Variants in CPS1 observed in about 807,000 individuals in gnomAD.
CPS1 encodes the protein carbamoyl-phosphate synthase [ammonia], mitochondrial.
A neutral mutation model predicts 174.6 loss-of-function variants in CPS1; 109 were observed. The ratio of observed to expected loss-of-function variants is 0.62; its 90% CI spans 0.53 to 0.73. The LOEUF is 0.73. Among genes scored for constraint, CPS1 ranks in the 30% least tolerant of loss-of-function variants. The pLI, the probability that CPS1 is intolerant of heterozygous loss-of-function variation, is 0.00. For missense variants in CPS1, 1,689 were observed against 1,821.9 expected (o/e 0.93, Z 1.33); for synonymous variants, 637 against 632.0 (o/e 1.01, Z -0.12).
At chr2:210,570,153 T>C (rs1305679139) in intron 1 of CPS1, among the ~76,000 whole-genome samples, 2 of 151,948 alleles carry the variant, frequency 1.3e-5, no homozygotes, top group African/African-American at 4.8e-5. Flanking sequence ...AGGAGATATA[T>C]AGAGAGTACT....
chr2:210,564,107 A>G (rs1202969446), intron 1 of CPS1, among the ~76,000 whole-genome samples: 1 of 152,156 alleles, frequency 6.6e-6, no homozygotes, highest in African/African-American at 2.4e-5. Flanking sequence ...AAACCCCTAA[A>G]AGAGATGAGA....
At chr2:210,584,113 G>A (rs1237175342) in intron 6 of CPS1, among the ~76,000 whole-genome samples, 1 of 152,054 alleles carries the variant, frequency 6.6e-6, no homozygotes, top group Non-Finnish European at 1.5e-5. Flanking sequence ...GATCCGCTTT[G>A]AAACTTAAAG....
At chr2:210,619,673 C>T (rs1259813265) in intron 21 of CPS1, 1 of 152,006 alleles carries the variant, frequency 6.6e-6, no homozygotes, top group Non-Finnish European at 1.5e-5. Flanking sequence ...GATGCAAATG[C>T]TATTCTTATT....
intron 34 of CPS1, among the ~76,000 whole-genome samples, chr2:210,669,679 G>A (rs114532282): frequency 0.025 from 3,860 of 152,216 alleles, 86 homozygotes; most frequent in Admixed American, 0.045. Context: ...ACTTGCAATT[G>A]TGAAGCTTAA....
intron 26 of CPS1, 145 bp downstream of exon 26, chr2:210,648,202 C>A: frequency 1.2e-6 from 1 of 810,878 alleles, no homozygotes; most frequent in Non-Finnish European, 2.0e-6. Context: ...TGTTGTATAT[C>A]CATGATTGCA....
chr2:210,576,452 C>G lies in CPS1; in HGVS notation c.343C>G (p.Leu115Val). 1 of 1,613,662 alleles carries G rather than the reference C, an allele frequency of 6.2e-7. No homozygotes were observed. Among genetic ancestry groups the G allele is most frequent in the Non-Finnish European group, 8.5e-7 (1 of 1,179,678 alleles). Reference protein sequence around the residue: ...GAPDTTALDELGLSKYLESNG... With the variant: ...GAPDTTALDEVGLSKYLESNG... Reference sequence around the variant, plus strand: ...TCCTGATACTACTGCTCTGGATGAACTGGGACTTAGCAAATATTTGGAGTC... The same window carrying G: ...TCCTGATACTACTGCTCTGGATGAAGTGGGACTTAGCAAATATTTGGAGTC... The change falls in exon 3 of 38, where the codon CTG becomes GTG. Residue 115 changes from leucine (L) to valine (V), a missense_variant. Leu to Val is a conservative substitution (Grantham distance 32). Transcript: ENST00000233072.
At chr2:210,493,975 C>T (rs573760062) in intron 1 of CPS1, among the ~76,000 whole-genome samples, 19 of 152,270 alleles carry the variant, frequency 1.2e-4, no homozygotes, top group Non-Finnish European at 2.2e-4. Flanking sequence ...TGTCATGTTG[C>T]TGAATGCTGA....
chr2:210,677,807 A>G (rs1701581373), intron 37 of CPS1, 80 bp from the exon 38 acceptor site: 2 of 1,122,236 alleles, frequency 1.8e-6, no homozygotes, highest in Non-Finnish European at 1.4e-6. Context: ...GGGGACAGAC[A>G]CTTGTGACTT....
chr2:210,609,671 C>T (rs536806206), intron 19 of CPS1, among the ~76,000 whole-genome samples: 4 of 151,810 alleles, frequency 2.6e-5, no homozygotes, highest in African/African-American at 9.6e-5. Flanking sequence ...CTGTTGTGGC[C>T]AGTGTGGGAG....
At position 210,677,118 on chromosome 2, in the gene CPS1, T is replaced by C; in HGVS notation, c.4386T>C (p.Pro1462=). Residue 1462 remains proline (P), a synonymous_variant, in exon 37 of 38, where the codon CCT becomes CCC. Coordinates refer to ENST00000233072, the MANE Select transcript of CPS1 (RefSeq NM_001875.5). ...GGACAGCTGTTGATAGTGGAATCCC[T>C]CTCCTCACTAATTTTCAGGTATAGT... is the stretch of plus-strand genomic sequence containing the variant. ...IRRTAVDSGI[P]LLTNFQVTKL... The C allele has an allele frequency of 1.2e-6, 2 of 1,613,862 alleles. No individual in the cohort carries two copies. Among genetic ancestry groups the C allele is most frequent in the Non-Finnish European group, 1.7e-6 (2 of 1,179,764 alleles).
intron 16 of CPS1, among the ~76,000 whole-genome samples, chr2:210,604,009 C>A (rs1349888965): frequency 6.6e-6 from 1 of 151,854 alleles, no homozygotes; most frequent in Admixed American, 6.6e-5. Flanking sequence ...CATTAGAATG[C>A]AAAATACTTT....
intron 1 of CPS1, among the ~76,000 whole-genome samples, chr2:210,495,514 C>T (rs1029735907): frequency 2.6e-5 from 4 of 152,176 alleles, no homozygotes; most frequent in African/African-American, 9.7e-5. Context: ...AAAACAGTGT[C>T]AGTACCCACT....
At chr2:210,520,185 C>T (rs1186674912) in intron 1 of CPS1, among the ~76,000 whole-genome samples, 1 of 151,878 alleles carries the variant, frequency 6.6e-6, no homozygotes, top group Non-Finnish European at 1.5e-5. Flanking sequence ...GTATAATTGA[C>T]ATCCAATAAA....
intron 1 of CPS1, among the ~76,000 whole-genome samples, chr2:210,482,937 G>C (rs1694613046): frequency 6.6e-6 from 1 of 152,140 alleles, no homozygotes; most frequent in African/African-American, 2.4e-5. Context: ...GTCAATTAGG[G>C]TTCTTAATGC....
In CPS1 at chr2:210,533,142, A is replaced by G. The variant is rs369828039; in HGVS notation, c.4-23577A>G. ...AGGGAATTGCCACCTGGTGAGGTCT[A>G]TCTCTGTCTTTCCCATACTACTTCC... On this transcript the variant is annotated intron_variant, in intron 1 of 38. Coordinates refer to the CPS1 transcript ENST00000430249. 4.3e-4 allele frequency among the ~76,000 whole-genome samples: 66 copies of G among 152,216 alleles called. 1 individual carries two copies. In the South Asian group the frequency reaches 0.013, roughly 30 times the overall value.
intron 9 of CPS1, among the ~76,000 whole-genome samples, chr2:210,591,469 A>G (rs766060132): frequency 9.9e-5 from 15 of 151,984 alleles, no homozygotes; most frequent in Admixed American, 1.3e-4. Context: ...TTATCTCCCT[A>G]TAACTCTCGG....
chr2:210,567,049 C>A (rs1182566870), intron 1 of CPS1, among the ~76,000 whole-genome samples: 1 of 151,954 alleles, frequency 6.6e-6, no homozygotes, highest in Admixed American at 6.6e-5. Flanking sequence ...ATATGCAACC[C>A]AGTTTATGTT....
Position 210,660,849 on chromosome 2 carries a change from A to C in CPS1, c.3927+194A>C, listed in dbSNP as rs373867407. 3.3e-5 allele frequency among the ~76,000 whole-genome samples: 5 copies of C among 152,324 alleles called. No homozygotes were observed. The South Asian group carries it at 1.0e-3, about 32-fold the overall frequency. On this transcript the variant is annotated intron_variant, in intron 32 of 37. Coordinates refer to ENST00000233072, the MANE Select transcript of CPS1 (RefSeq NM_001875.5). ...TGTGAACTGTTGTACATTTCAAAAAAATTTTTAAAACCATCTAGAATTGTA... is the reference window on the plus strand; with the variant it reads ...TGTGAACTGTTGTACATTTCAAAAACATTTTTAAAACCATCTAGAATTGTA...
At chr2:210,499,228 C>A (rs1210997521) in intron 1 of CPS1, among the ~76,000 whole-genome samples, 1 of 151,746 alleles carries the variant, frequency 6.6e-6, no homozygotes, top group Admixed American at 6.6e-5. Context: ...TTTCAAATAC[C>A]TGGATTTCTG....
Sources: allele counts gnomAD v4.1 joint callset (sites outside exome capture counted in the v4.1 genomes callset), GRCh38; gene constraint gnomAD v4.1.1; transcripts MANE v1.5; gene names NCBI Gene and HGNC (gene_info 2026-07-23, HGNC 2026-07-21).